The following CLEC4F variants were observed in gnomAD, a reference collection of about 807,000 sequenced individuals.
The protein encoded by CLEC4F is C-type lectin domain family 4 member F.
CLEC4F carries 45 observed loss-of-function variants against 53.4 expected under a neutral mutation model. That is an observed-to-expected ratio of 0.84 (90% CI 0.66 to 1.08). CLEC4F has a LOEUF of 1.08. CLEC4F is among the 50% of genes least tolerant of loss of function. The probability of loss-of-function intolerance (pLI) is 0.00; values close to 1 mark genes in which losing one functional copy is unlikely to be tolerated. For synonymous variants in CLEC4F, 245 were observed against 257.5 expected, an observed-to-expected ratio of 0.95 and a Z score of 0.46; for missense variants, 753 against 698.2, an observed-to-expected ratio of 1.08 and a Z score of -0.88.
intron 3 of CLEC4F, 30 bp from the exon 4 acceptor site, chr2:70,817,142 A>G: frequency 6.3e-7 from 1 of 1,589,828 alleles, no homozygotes; most frequent in Non-Finnish European, 8.5e-7. Flanking sequence ...AAGGCAGCCA[A>G]AGAGGCCCAT....
At chr2:70,819,514 C>G (rs1558620538) in intron 2 of CLEC4F, 70 bp from the exon 3 acceptor site, 2 of 1,417,760 alleles carry the variant, frequency 1.4e-6, no homozygotes, top group East Asian at 4.6e-5. Flanking sequence ...CTGTCCCACA[C>G]AGAGGTAGAG....
Position 70,816,040 on chromosome 2 carries a change from G to T in CLEC4F, c.1341C>A (p.Thr447=). The T allele has an allele frequency of 6.2e-7, 1 of 1,614,182 alleles. No individual in the cohort carries two copies. Among genetic ancestry groups the T allele is most frequent in the Non-Finnish European group, 8.5e-7 (1 of 1,180,018 alleles). ...CCTGTGAAGTAATGACCACATGGAG[G>T]GTCTTCAGGCGACTCTGCTCCTGCT... ...EIQQEQSRLK[T]LHVVITSQEQ... is the part of the protein sequence containing the mutation. Residue 447 remains threonine (T), a synonymous_variant, in exon 4 of 7, where the codon ACC becomes ACA. Transcript: ENST00000272367.
At position 70,817,033 on chromosome 2, in the gene CLEC4F, G is replaced by A; in HGVS notation, c.348C>T (p.Ala116=). 6.2e-7 allele frequency: 1 copy of A among 1,614,118 alleles called. No homozygotes were observed. The highest frequency in any genetic ancestry group is 8.5e-7 in the Non-Finnish European group (1 of 1,180,038). ...TFKGHMENSS[A]WVVEIQMLKC... ...TCAACATCTGGATTTCTACTACCCAGGCACTGGAATTCTCCATGTGGCCTT... is the reference window on the plus strand; with the variant it reads ...TCAACATCTGGATTTCTACTACCCAAGCACTGGAATTCTCCATGTGGCCTT... The change falls in exon 4 of 7, where the codon GCC becomes GCT. Residue 116 remains alanine, a synonymous_variant. Transcript: ENST00000272367.
upstream of CLEC4F, among the ~76,000 whole-genome samples, chr2:70,823,084 G>A (rs1200226640): frequency 5.3e-5 from 8 of 152,056 alleles, no homozygotes; most frequent in African/African-American, 1.7e-4. Context: ...GGGAGCGGTT[G>A]CCCACACCCA....
rs537277656 is a variant in CLEC4F at position 70,813,976 on chromosome 2, G to A, written c.1388-1378C>T. On this transcript the variant is annotated intron_variant, in intron 4 of 6. Coordinates refer to ENST00000272367, the MANE Select transcript of CLEC4F (RefSeq NM_173535.3). Reference sequence around the variant, plus strand: ...TTACAGGCGTAAGCCACTGTGCCCCGTCTGGAGCTGAGTCTTAAGGGACTG... The same window carrying A: ...TTACAGGCGTAAGCCACTGTGCCCCATCTGGAGCTGAGTCTTAAGGGACTG... 3.3e-4 allele frequency among the ~76,000 whole-genome samples: 51 copies of A among 152,266 alleles called. 1 individual carries two copies. The highest frequency in any genetic ancestry group is 6.8e-3 in the Middle Eastern group (2 of 294).
At position 70,820,565 on chromosome 2, in the gene CLEC4F, C is replaced by T. The variant is rs1413943549; in HGVS notation, c.-42G>A. ...CTCCAGCACTGCTCCCAGCCACTGGCTCCTGGAAGGGCCGTCCCGTGGACC... is the reference window on the plus strand; with the variant it reads ...CTCCAGCACTGCTCCCAGCCACTGGTTCCTGGAAGGGCCGTCCCGTGGACC... On this transcript the variant is annotated 5_prime_UTR_variant, in exon 1 of 7. Transcript: ENST00000272367. The T allele has an allele frequency of 7.7e-6, 12 of 1,557,986 alleles. No individual in the cohort carries two copies. Among genetic ancestry groups the T allele is most frequent in the Admixed American group, 1.9e-5 (1 of 53,106 alleles).
chr2:70,824,575 G>A (rs1231388594), upstream of CLEC4F, among the ~76,000 whole-genome samples: 50 of 127,902 alleles, frequency 3.9e-4, no homozygotes, highest in Middle Eastern at 5.6e-3. Context: ...CTCAAGATGA[G>A]CCTGGAGCAT....
At position 70,809,309 on chromosome 2, in the gene CLEC4F, T is replaced by C. The variant is rs1676406793; in HGVS notation, c.1732A>G (p.Ile578Val). ...VNSGMGACSF[I>V]DTPPCPWILS... ...ATCCAGGGACAGGGAGGGGTGTCTA[T>C]GAAGCTGCAAGCTCCCATCCCAGAA... Residue 578 changes from isoleucine (I) to valine (V), a missense_variant, in exon 7 of 7, where the codon ATA becomes GTA. Ile to Val is a conservative substitution (Grantham distance 29). Transcript: ENST00000272367. 4 of 1,613,862 alleles carry C rather than the reference T, an allele frequency of 2.5e-6. No individual in the cohort carries two copies. The highest frequency in any genetic ancestry group is 3.4e-6 in the Non-Finnish European group (4 of 1,179,984).
upstream of CLEC4F, among the ~76,000 whole-genome samples, chr2:70,825,208 G>A (rs1292568989): frequency 1.3e-5 from 2 of 152,196 alleles, no homozygotes; most frequent in African/African-American, 4.8e-5. Context: ...TACCTGACCA[G>A]TGGGCTCCTC....
chr2:70,813,709 C>T (rs1676741059), intron 4 of CLEC4F, among the ~76,000 whole-genome samples: 1 of 148,718 alleles, frequency 6.7e-6, no homozygotes, highest in Non-Finnish European at 1.5e-5. Context: ...CAGAGTTTTG[C>T]TATGGATGCC....
In CLEC4F at chr2:70,816,866, G is replaced by A; in HGVS notation, c.515C>T (p.Ser172Phe). 2 of 1,614,100 alleles carry A rather than the reference G, an allele frequency of 1.2e-6. No individual in the cohort carries two copies. The highest frequency in any genetic ancestry group is 1.7e-6 in the Non-Finnish European group (2 of 1,180,014). The stretch of plus-strand genomic sequence containing the variant: ...GATCTCAGCATTGGTTCCCTCCAGG[G>A]AACTCCTTAACATCTGTGTCTGCAA... ...LSLQTQMLRS[S>F]LEGTNAEIQR... The change falls in exon 4 of 7, where the codon TCC (serine) becomes TTC (phenylalanine). Residue 172 changes from serine to phenylalanine, a missense_variant. Transcript: ENST00000272367.
At chr2:70,818,663 A>G (rs957008337) in intron 3 of CLEC4F, among the ~76,000 whole-genome samples, 10 of 152,034 alleles carry the variant, frequency 6.6e-5, no homozygotes, top group African/African-American at 2.4e-4. Context: ...GTGAGCCGAG[A>G]TCACGCCACT....
At chr2:70,811,878 C>G (rs2104632837) in intron 5 of CLEC4F, among the ~76,000 whole-genome samples, 1 of 152,236 alleles carries the variant, frequency 6.6e-6, no homozygotes, top group Non-Finnish European at 1.5e-5. Flanking sequence ...TTGAGACCAG[C>G]CTTGGCAACA....
rs373874022 is a variant in CLEC4F, at chr2:70,811,583, G to T, written c.1539+864C>A. 8.2e-4 allele frequency: 258 copies of T among 313,212 alleles called. 6 individuals carry two copies. The highest frequency in any genetic ancestry group is 7.3e-3 in the South Asian group (237 of 32,276). 19.4% of individuals were successfully genotyped at this position (313,212 alleles called of 1,614,324 possible). On this transcript the variant is annotated intron_variant, in intron 5 of 6. Transcript: ENST00000272367. ...AGGCGAGCCAACAGGGGGGTAGGCA[G>T]TTCTGCAAGTCAAATTGGACCACAA... is the stretch of plus-strand genomic sequence containing the variant.
chr2:70,810,818 A>G (rs1157253460), intron 5 of CLEC4F: 2 of 529,736 alleles, frequency 3.8e-6, no homozygotes, highest in Non-Finnish European at 7.3e-6. Flanking sequence ...CTTTCCCCAG[A>G]AATTGAATTC....
chr2:70,813,494 T>TTTTC (rs141932037), intron 4 of CLEC4F, among the ~76,000 whole-genome samples: 17 of 141,470 alleles, frequency 1.2e-4, no homozygotes, highest in East Asian at 4.1e-4. Context: ...CTTTCTTTCT[T>TTTTC]TTTCTTTCTT....
chr2:70,810,833 C>T (rs1676517903), intron 5 of CLEC4F: 4 of 546,466 alleles, frequency 7.3e-6, no homozygotes, highest in Middle Eastern at 6.2e-4. Context: ...GAATTCTGTA[C>T]TCCCTCTTCT....
At position 70,819,872 on chromosome 2, in the gene CLEC4F, C is replaced by A; in HGVS notation, c.81G>T (p.Met27Ile). The A allele has an allele frequency of 6.3e-7, 1 of 1,599,110 alleles. No individual in the cohort carries two copies. Among genetic ancestry groups the A allele is most frequent in the Non-Finnish European group, 8.5e-7 (1 of 1,173,528 alleles). ...LHPQEVDSVA[M>I]APAAPKIPRL... is the part of the protein sequence containing the mutation. The stretch of plus-strand genomic sequence containing the variant: ...TCGGTATCTTGGGGGCTGCAGGAGC[C>A]ATTGCCACAGAGTCCACCTCTGCAG... Residue 27 changes from methionine (M) to isoleucine (I), a missense_variant, in exon 2 of 7, where the codon ATG (methionine) becomes ATT (isoleucine). Physicochemically the swap from Met to Ile is conservative, Grantham distance 10. Transcript: ENST00000272367.
At position 70,816,313 on chromosome 2, in the gene CLEC4F, A is replaced by G; in HGVS notation, c.1068T>C (p.Asp356=). The change falls in exon 4 of 7, where the codon GAT becomes GAC. Residue 356 remains aspartate, a synonymous_variant. Transcript: ENST00000272367. The part of the protein sequence containing the change: ...QKANGRLDQT[D]TQIQVFKSEM... ...CTGACTTGAATACCTGAATCTGAGT[A>G]TCTGTCTGGTCCAGACGGCCATTTG... 4 of 1,614,202 alleles carry G rather than the reference A, an allele frequency of 2.5e-6. No individual in the cohort carries two copies. The highest frequency in any genetic ancestry group is 1.6e-4 in the Middle Eastern group (1 of 6,062).
Sources: gnomAD v4.1 joint callset for allele counts (sites outside exome capture counted in the v4.1 genomes callset) on GRCh38, gnomAD v4.1.1 for gene constraint, MANE v1.5 for transcripts, NCBI Gene and HGNC (gene_info 2026-07-23, HGNC 2026-07-21) for gene names.